The following RBM47 variants were observed in gnomAD, a reference collection of about 807,000 sequenced individuals.
RBM47 encodes RNA-binding protein 47.
In RBM47, 21 loss-of-function variants were observed where a neutral mutation model predicts 47.1. The ratio of observed to expected loss-of-function variants is 0.45; its 90% CI spans 0.32 to 0.64. The LOEUF (loss-of-function observed/expected upper bound fraction) is 0.64, where lower values mean the gene tolerates loss of function less well. RBM47 is among the 30% of genes least tolerant of loss of function. The pLI is 0.05. For missense variants in RBM47, 708 were observed against 870.9 expected, an observed-to-expected ratio of 0.81 and a Z score of 2.35; for synonymous variants, 375 against 361.7, an observed-to-expected ratio of 1.04 and a Z score of -0.42.
At chr4:40,509,347 T>G (rs73145601) in intron 2 of RBM47, among the ~76,000 whole-genome samples, 4,924 of 152,236 alleles carry the variant, frequency 0.032, 234 homozygotes, top group African/African-American at 0.1. Context: ...ATTACTTTCT[T>G]GGGTAAAAAT....
At chr4:40,558,753 G>A (rs191230571) in intron 1 of RBM47, among the ~76,000 whole-genome samples, 79 of 151,924 alleles carry the variant, frequency 5.2e-4, no homozygotes, top group East Asian at 3.5e-3. Context: ...GCTTGAACTC[G>A]GGAGGCAGAG....
chr4:40,517,846 T>A (rs892666844), intron 2 of RBM47, among the ~76,000 whole-genome samples: 1 of 152,222 alleles, frequency 6.6e-6, no homozygotes, highest in African/African-American at 2.4e-5. Context: ...GATTAGGTAT[T>A]CTAAGTCATC....
At position 40,528,188 on chromosome 4, in the gene RBM47, A is replaced by G. The variant is rs532515009; in HGVS notation, c.-155+16234T>C. 4.2e-4 allele frequency among the ~76,000 whole-genome samples: 64 copies of G among 152,260 alleles called. No homozygotes were observed. The South Asian group carries it at 0.013, about 31-fold the overall frequency. ...AGCACTTTGGGAGGCCAAGGCGGGC[A>G]GATCACAAGGTCAAGAGATCAGGAC... On this transcript the variant is annotated intron_variant, in intron 2 of 6. Transcript: ENST00000295971.
intron 2 of RBM47, among the ~76,000 whole-genome samples, chr4:40,541,064 G>A (rs760452259): frequency 8.6e-5 from 13 of 151,840 alleles, no homozygotes; most frequent in Non-Finnish European, 1.6e-4. Context: ...TACGACAAGC[G>A]GATCGCTTGA....
At chr4:40,471,413 T>C (rs1276224981) in intron 2 of RBM47, among the ~76,000 whole-genome samples, 3 of 152,044 alleles carry the variant, frequency 2.0e-5, no homozygotes, top group Admixed American at 1.3e-4. Flanking sequence ...AAATATACAA[T>C]TTGGTCAGGC....
At chr4:40,552,502 T>C (rs1337985607) in intron 1 of RBM47, among the ~76,000 whole-genome samples, 1 of 152,132 alleles carries the variant, frequency 6.6e-6, no homozygotes, top group African/African-American at 2.4e-5. Context: ...GTCCAGATCC[T>C]GCAGTAGCAG....
At chr4:40,464,658 G>C (rs1303063656) in intron 3 of RBM47, among the ~76,000 whole-genome samples, 2 of 151,836 alleles carry the variant, frequency 1.3e-5, no homozygotes, top group African/African-American at 4.8e-5. Flanking sequence ...CCAGCACTTT[G>C]GGAGGCCGAG....
rs758272045 is a variant in RBM47, at chr4:40,438,645, G to A, written c.249C>T (p.Tyr83=). The change falls in exon 4 of 7, where the codon TAC becomes TAT. Residue 83 remains tyrosine, a synonymous_variant. Coordinates refer to ENST00000295971, the MANE Select transcript of RBM47 (RefSeq NM_001098634.2). ...CGAACACGGGCACCAGCTCGTCCTC[G>A]TACACGTCGCGCGGGATCTTGCCCA... ...VFVGKIPRDV[Y]EDELVPVFEA... The A allele has an allele frequency of 1.9e-5, 30 of 1,612,766 alleles. No individual in the cohort carries two copies. Among genetic ancestry groups the A allele is most frequent in the East Asian group, 4.5e-5 (2 of 44,850 alleles).
rs771723876 is a variant in RBM47 at position 40,594,466 on chromosome 4, G to A, written c.-240+34930C>T. On this transcript the variant is annotated intron_variant, in intron 1 of 6. Coordinates refer to ENST00000295971, the MANE Select transcript of RBM47 (RefSeq NM_001098634.2). ...TTGGTCTCGAAAGCTCTCATTATAC[G>A]GCTACACGTCTTACTGGGGAGGAGC... Among the ~76,000 whole-genome samples, 22 of 152,178 alleles carry A rather than the reference G, an allele frequency of 1.4e-4. No homozygotes were observed. In the Middle Eastern group the frequency reaches 0.01, roughly 71 times the overall value.
intron 2 of RBM47, among the ~76,000 whole-genome samples, chr4:40,514,970 G>A (rs770548634): frequency 7.2e-5 from 11 of 152,190 alleles, no homozygotes; most frequent in African/African-American, 2.7e-4. Context: ...GTTCACCGGC[G>A]AATATGTAGA....
intron 2 of RBM47, among the ~76,000 whole-genome samples, chr4:40,513,308 A>G (rs1468819291): frequency 6.6e-6 from 1 of 152,240 alleles, no homozygotes; most frequent in Non-Finnish European, 1.5e-5. Context: ...TCTTCAACTT[A>G]GTACTGTCCT....
chr4:40,442,926 G>A (rs779380827), intron 3 of RBM47, among the ~76,000 whole-genome samples: 52 of 151,968 alleles, frequency 3.4e-4, no homozygotes, highest in East Asian at 1.9e-4. Context: ...TGCCCGCCTC[G>A]GTCTCCCAAA....
intron 1 of RBM47, among the ~76,000 whole-genome samples, chr4:40,569,299 G>A (rs894410058): frequency 1.3e-5 from 2 of 152,030 alleles, no homozygotes; most frequent in Admixed American, 1.3e-4. Context: ...TTTCTTCAAA[G>A]GGCTAGCAGG....
intron 2 of RBM47, among the ~76,000 whole-genome samples, chr4:40,536,345 G>A (rs1265569089): frequency 6.6e-6 from 1 of 152,194 alleles, no homozygotes; most frequent in East Asian, 1.9e-4. Flanking sequence ...CTGGCTTGGA[G>A]ACCTTGTTCT....
intron 1 of RBM47, among the ~76,000 whole-genome samples, chr4:40,556,889 C>CA (rs202041019): frequency 6.8e-6 from 1 of 146,358 alleles, no homozygotes; most frequent in Non-Finnish European, 1.5e-5. Context: ...AACCTTGTCT[C>CA]AAAAAAATAT....
intron 1 of RBM47, among the ~76,000 whole-genome samples, chr4:40,620,163 T>C (rs1361340954): frequency 7.7e-6 from 1 of 129,408 alleles, no homozygotes; most frequent in African/African-American, 3.1e-5. Flanking sequence ...ACCATTGCAC[T>C]CCAGCCTGGG....
intron 2 of RBM47, among the ~76,000 whole-genome samples, chr4:40,497,492 G>A (rs999621357): frequency 6.6e-6 from 1 of 151,674 alleles, no homozygotes; most frequent in African/African-American, 2.4e-5. Flanking sequence ...GTAGTGTGTG[G>A]TCTGTAGTTC....
At chr4:40,556,273 T>C (rs551914392) in intron 1 of RBM47, among the ~76,000 whole-genome samples, 1 of 151,994 alleles carries the variant, frequency 6.6e-6, no homozygotes, top group South Asian at 2.1e-4. Context: ...TGACCTCAGG[T>C]GATCTGCCCG....
intron 2 of RBM47, among the ~76,000 whole-genome samples, chr4:40,496,365 A>AG (rs1722588888): frequency 7.2e-6 from 1 of 138,868 alleles, no homozygotes; most frequent in Non-Finnish European, 1.6e-5. Context: ...CACACACACA[A>AG]AGAGAGAAAA....
Sources: gnomAD v4.1 joint callset for allele counts (sites outside exome capture counted in the v4.1 genomes callset) on GRCh38, gnomAD v4.1.1 for gene constraint, MANE v1.5 for transcripts, NCBI Gene and HGNC (gene_info 2026-07-23, HGNC 2026-07-21) for gene names.